MACROD2: variants seen among roughly 807,000 people sequenced by gnomAD.
MACROD2 encodes the protein mono-ADP ribosylhydrolase 2.
Under a neutral mutation model 70.4 loss-of-function variants are expected in MACROD2, and 36 were observed. The ratio of observed to expected loss-of-function variants is 0.51; its 90% confidence interval spans 0.39 to 0.68. MACROD2 has a LOEUF of 0.68. Among genes scored for constraint, MACROD2 ranks in the 30% least tolerant of loss-of-function variants. The pLI is 0.00. For synonymous variants in MACROD2, 172 were observed against 178.8 expected, an observed-to-expected ratio of 0.96 and a Z score of 0.30; for missense variants, 496 against 538.4, an observed-to-expected ratio of 0.92 and a Z score of 0.78.
chr20:14,619,583 A>G (rs1983713228), intron 4 of MACROD2, among the ~76,000 whole-genome samples: 1 of 151,684 alleles, frequency 6.6e-6, no homozygotes, highest in South Asian at 2.1e-4. Flanking sequence ...GGGAAAAGAA[A>G]AAAAGGAGTA....
chr20:15,362,100 C>T lies in MACROD2; in HGVS notation c.541-69305C>T, dbSNP rs528801275. Among the ~76,000 whole-genome samples the T allele has an allele frequency of 4.6e-5, 7 of 151,800 alleles. No homozygotes were observed. In the South Asian group the frequency reaches 1.0e-3, roughly 23 times the overall value. On this transcript the variant is annotated intron_variant, in intron 6 of 17. Transcript: ENST00000684519. ...GATCTCAGCTCACTGCAACCTCCGC[C>T]TCCCGGGTTCAAGCGATTCTTATGC...
At chr20:14,648,531 C>A in intron 4 of MACROD2, among the ~76,000 whole-genome samples, 1 of 152,026 alleles carries the variant, frequency 6.6e-6, no homozygotes, top group Non-Finnish European at 1.5e-5. Flanking sequence ...AACTAGCAGT[C>A]CAATGTGGAT....
chr20:15,834,353 CAAAAT>C (rs905802607), intron 8 of MACROD2, among the ~76,000 whole-genome samples: 1 of 152,096 alleles, frequency 6.6e-6, no homozygotes, highest in Non-Finnish European at 1.5e-5. Context: ...TAAAACAAAA[CAAAAT>C]AAAATAAAAT....
Position 14,326,140 on chromosome 20 carries a change from A to G in MACROD2, c.272-167339A>G, listed in dbSNP as rs761388275. The G allele has an allele frequency of 7.4e-6, 12 of 1,613,698 alleles. No individual in the cohort carries two copies. The highest frequency in any genetic ancestry group is 2.7e-5 in the African/African-American group (2 of 74,886). ...GTACTCACTGCGTTCCCCTGTTACA[A>G]TTGTTTCTGTTATAGATCCAAATGC... On this transcript the variant is annotated intron_variant, in intron 3 of 17. Transcript: ENST00000684519. This position sits in a 1 kb window ranked among gnomAD's most constrained non-coding sequence, Gnocchi z 5.5.
At chr20:15,090,156 G>A (rs1365832386) in intron 5 of MACROD2, among the ~76,000 whole-genome samples, 2 of 151,866 alleles carry the variant, frequency 1.3e-5, no homozygotes, top group African/African-American at 4.8e-5. Context: ...ACCTGCTACA[G>A]CAGTAATATA....
intron 5 of MACROD2, among the ~76,000 whole-genome samples, chr20:15,220,366 G>A (rs2076848972): frequency 6.6e-6 from 1 of 152,196 alleles, no homozygotes; most frequent in African/African-American, 2.4e-5. Context: ...TTGGCTTTGT[G>A]GGAAACACAG....
intron 5 of MACROD2, among the ~76,000 whole-genome samples, chr20:14,830,213 TC>T (rs1221813854): frequency 6.6e-6 from 1 of 152,130 alleles, no homozygotes; most frequent in African/African-American, 2.4e-5. Context: ...TAAAGAGGCA[TC>T]ACTGAAATTT....
At chr20:15,967,492 G>A in intron 12 of MACROD2, 61 bp from the exon 13 acceptor site, 1 of 1,345,498 alleles carries the variant, frequency 7.4e-7, no homozygotes. Flanking sequence ...TGTTAGTGCT[G>A]AAAGCTGCTC....
At chr20:14,158,723 A>G (rs1601293205) in intron 3 of MACROD2, among the ~76,000 whole-genome samples, 1 of 152,120 alleles carries the variant, frequency 6.6e-6, no homozygotes, top group Non-Finnish European at 1.5e-5. Context: ...GGCTGTAAAT[A>G]TGTGGATTTA....
intron 8 of MACROD2, among the ~76,000 whole-genome samples, chr20:15,767,271 C>T (rs6043531): frequency 1.6e-3 from 240 of 152,344 alleles, no homozygotes; most frequent in African/African-American, 5.2e-3. Context: ...TTGTGATACA[C>T]CACATTCTAA....
At chr20:14,495,878 T>C (rs2084847803) in intron 4 of MACROD2, among the ~76,000 whole-genome samples, 5 of 152,216 alleles carry the variant, frequency 3.3e-5, no homozygotes, top group Admixed American at 3.3e-4. Context: ...CTCAGCATCA[T>C]CATAAAGATA....
At position 15,339,453 on chromosome 20, in the gene MACROD2, A is replaced by G. The variant is rs115539938; in HGVS notation, c.541-91952A>G. ...CCCCAGAGGCTGTTGATCATCCTGG[A>G]TGCTGGATGCTTGCCTACTGTAGGA... On this transcript the variant is annotated intron_variant, in intron 6 of 17. Transcript: ENST00000684519. Among the ~76,000 whole-genome samples the G allele has an allele frequency of 4.0e-3, 609 of 151,910 alleles. 26 individuals carry two copies. Among genetic ancestry groups the G allele is most frequent in the African/African-American group, 0.014 (589 of 41,186 alleles).
chr20:14,272,744 A>G (rs938059734), intron 3 of MACROD2, among the ~76,000 whole-genome samples: 29 of 152,332 alleles, frequency 1.9e-4, no homozygotes, highest in South Asian at 2.1e-4. Context: ...TGTATTCAGG[A>G]AACCCATCTC....
chr20:15,029,906 A>G lies in MACROD2; in HGVS notation c.419-200034A>G, dbSNP rs541227285. Among the ~76,000 whole-genome samples, 4 of 152,144 alleles carry G rather than the reference A, an allele frequency of 2.6e-5. No homozygotes were observed. In the South Asian group the frequency reaches 8.3e-4, roughly 32 times the overall value. ...GGATATCCAGACCATCCTGGCCAAC[A>G]TAGTGAAATCCCAACTCTACTAAAA... On this transcript the variant is annotated intron_variant, in intron 5 of 17. Transcript: ENST00000684519.
intron 8 of MACROD2, among the ~76,000 whole-genome samples, chr20:15,831,157 C>A (rs1007983500): frequency 6.6e-6 from 1 of 152,166 alleles, no homozygotes; most frequent in African/African-American, 2.4e-5. Flanking sequence ...GATCCTAGAG[C>A]TCCTTTATGG....
intron 3 of MACROD2, among the ~76,000 whole-genome samples, chr20:14,407,154 T>C (rs2083699217): frequency 6.6e-6 from 1 of 151,852 alleles, no homozygotes; most frequent in Admixed American, 6.6e-5. Context: ...TATAGCCCTG[T>C]TTCTACTGGA....
chr20:15,949,198 G>C (rs2065871292), intron 12 of MACROD2, among the ~76,000 whole-genome samples: 1 of 152,072 alleles, frequency 6.6e-6, no homozygotes, highest in Non-Finnish European at 1.5e-5. Context: ...TATATCACAG[G>C]GTTGCTAAAA....
chr20:15,532,428 T>C (rs987018578), intron 8 of MACROD2, among the ~76,000 whole-genome samples: 1 of 152,094 alleles, frequency 6.6e-6, no homozygotes, highest in Non-Finnish European at 1.5e-5. Context: ...AATCATGATT[T>C]AGACAAAATA....
At chr20:15,645,274 C>A (rs1244974281) in intron 8 of MACROD2, among the ~76,000 whole-genome samples, 1 of 152,134 alleles carries the variant, frequency 6.6e-6, no homozygotes, top group African/African-American at 2.4e-5. Context: ...CATCACAGAG[C>A]CCTGAGACTC....
Sources: gnomAD v4.1 joint callset for allele counts (sites outside exome capture counted in the v4.1 genomes callset) on GRCh38, gnomAD v4.1.1 for gene constraint, Gnocchi (gnomAD v3.1) non-coding constraint, MANE v1.5 for transcripts, NCBI Gene and HGNC (gene_info 2026-07-23, HGNC 2026-07-21) for gene names.